Variants in CNTNAP2 observed in about 807,000 individuals in gnomAD.
CNTNAP2 encodes the protein contactin-associated protein-like 2.
Under a neutral mutation model 155.2 loss-of-function variants are expected in CNTNAP2, and 98 were observed. The ratio of observed to expected loss-of-function variants is 0.63; its 90% CI spans 0.54 to 0.75. The LOEUF is 0.75. Ranked by LOEUF, CNTNAP2 falls within the 30% of genes least tolerant of loss-of-function variation. The pLI is 0.00. For synonymous variants in CNTNAP2, 651 were observed against 631.2 expected (o/e 1.03, Z -0.47); for missense variants, 1,727 against 1,688.1 (o/e 1.02, Z -0.40).
chr7:147,668,962 T>G (rs1303337229), intron 13 of CNTNAP2, among the ~76,000 whole-genome samples: 1 of 152,248 alleles, frequency 6.6e-6, no homozygotes, highest in East Asian at 1.9e-4. Flanking sequence ...GGTGTGCTTT[T>G]TTTTTATCTT....
At chr7:147,157,334 A>G (rs1172005601) in intron 8 of CNTNAP2, among the ~76,000 whole-genome samples, 2 of 152,092 alleles carry the variant, frequency 1.3e-5, no homozygotes, top group African/African-American at 4.8e-5. Flanking sequence ...TCCAATTTTG[A>G]TGTGAATATT....
Position 147,530,649 on chromosome 7 carries a change from A to G in CNTNAP2, c.1778-31489A>G, listed in dbSNP as rs537225859. On this transcript the variant is annotated intron_variant, in intron 11 of 23. Coordinates refer to ENST00000361727, the MANE Select transcript of CNTNAP2 (RefSeq NM_014141.6). ...TCCCCCTCAGTCCCTCCTACAACAC[A>G]TGGGAATTCTGGGAGATACAATTCA... Among the ~76,000 whole-genome samples, 6 of 152,236 alleles carry G rather than the reference A, an allele frequency of 3.9e-5. No homozygotes were observed. In the South Asian group the frequency reaches 1.2e-3, roughly 32 times the overall value.
intron 8 of CNTNAP2, among the ~76,000 whole-genome samples, chr7:147,202,108 C>T (rs1275943320): frequency 6.6e-6 from 1 of 150,808 alleles, no homozygotes; most frequent in African/African-American, 2.4e-5. Flanking sequence ...AGAAAATTCT[C>T]AAGATAGAAT....
chr7:147,163,184 C>G (rs1291929968), intron 8 of CNTNAP2, among the ~76,000 whole-genome samples: 1 of 151,904 alleles, frequency 6.6e-6, no homozygotes, highest in East Asian at 1.9e-4. Flanking sequence ...GTGGCAAGAA[C>G]CAGAAGACAG....
intron 1 of CNTNAP2, among the ~76,000 whole-genome samples, chr7:146,565,308 G>A (rs1798340483): frequency 6.6e-6 from 1 of 151,860 alleles, no homozygotes; most frequent in Non-Finnish European, 1.5e-5. Context: ...ATAATTTAGA[G>A]AAATTCAATT....
intron 13 of CNTNAP2, among the ~76,000 whole-genome samples, chr7:147,752,637 T>C (rs976630783): frequency 6.6e-6 from 1 of 152,172 alleles, no homozygotes; most frequent in Admixed American, 6.5e-5. Context: ...AGGTAGATAT[T>C]TGAAGTTGTG....
At chr7:147,348,584 G>A (rs934877885) in intron 9 of CNTNAP2, among the ~76,000 whole-genome samples, 4 of 151,948 alleles carry the variant, frequency 2.6e-5, no homozygotes, top group African/African-American at 4.8e-5. Flanking sequence ...AAAAAAGTAT[G>A]GAGGTCCTCA....
intron 15 of CNTNAP2, among the ~76,000 whole-genome samples, chr7:147,994,303 C>G (rs989358858): frequency 3.3e-5 from 5 of 149,994 alleles, no homozygotes; most frequent in Admixed American, 1.3e-4. Context: ...CCCAGGAATT[C>G]AAGACTGCAG....
intron 1 of CNTNAP2, among the ~76,000 whole-genome samples, chr7:146,734,351 T>G (rs1271107531): frequency 6.6e-6 from 1 of 152,124 alleles, no homozygotes; most frequent in Non-Finnish European, 1.5e-5. Context: ...GTTCACCTAA[T>G]GGGAGTGACT....
chr7:147,474,201 A>G (rs1361660480), intron 10 of CNTNAP2, among the ~76,000 whole-genome samples: 2 of 147,168 alleles, frequency 1.4e-5, no homozygotes, highest in South Asian at 2.2e-4. Flanking sequence ...GCAGCTATAG[A>G]GCTCACACCA....
chr7:146,319,477 A>G (rs749295554), intron 1 of CNTNAP2, among the ~76,000 whole-genome samples: 16 of 152,196 alleles, frequency 1.1e-4, no homozygotes, highest in Admixed American at 2.0e-4. Context: ...ACCGGGGTAC[A>G]AATTGGACAA....
chr7:147,401,609 C>G (rs1252968192), intron 10 of CNTNAP2, among the ~76,000 whole-genome samples: 1 of 152,116 alleles, frequency 6.6e-6, no homozygotes, highest in African/African-American at 2.4e-5. Flanking sequence ...TATCCCCACC[C>G]AAATCTCAAG....
chr7:146,226,170 A>G (rs1405295247), intron 1 of CNTNAP2, among the ~76,000 whole-genome samples: 1 of 152,134 alleles, frequency 6.6e-6, no homozygotes, highest in African/African-American at 2.4e-5. Flanking sequence ...CCTCGGCCCT[A>G]CTGAGATTAC....
In CNTNAP2 at chr7:147,765,367, T is replaced by G. The variant is rs1226952154; in HGVS notation, c.2098+126061T>G. 2.0e-5 allele frequency among the ~76,000 whole-genome samples: 3 copies of G among 152,166 alleles called. No homozygotes were observed. In the East Asian group the frequency reaches 5.8e-4, roughly 29 times the overall value. On this transcript the variant is annotated intron_variant, in intron 13 of 23. Coordinates refer to ENST00000361727, the MANE Select transcript of CNTNAP2 (RefSeq NM_014141.6). ...CACATGGTGAATAAATACATGGAAA[T>G]AAAGTTTCATATCAATTAATCATTG...
At chr7:147,967,871 T>C (rs1261099122) in intron 14 of CNTNAP2, among the ~76,000 whole-genome samples, 1 of 152,142 alleles carries the variant, frequency 6.6e-6, no homozygotes, top group Non-Finnish European at 1.5e-5. Flanking sequence ...TAAATATTAA[T>C]TTCTAAAGAA....
intron 15 of CNTNAP2, among the ~76,000 whole-genome samples, chr7:148,014,629 T>C (rs1382641210): frequency 2.0e-5 from 3 of 152,228 alleles, no homozygotes; most frequent in East Asian, 3.8e-4. Flanking sequence ...CAAATCCACC[T>C]GGAGTATGAG....
chr7:146,688,564 G>T (rs773806574), intron 1 of CNTNAP2, among the ~76,000 whole-genome samples: 10 of 152,090 alleles, frequency 6.6e-5, no homozygotes, highest in Non-Finnish European at 1.2e-4. Flanking sequence ...GAGATTCATT[G>T]TCCAGGAGAA....
At chr7:148,095,025 G>T (rs1205840086) in intron 15 of CNTNAP2, among the ~76,000 whole-genome samples, 4 of 152,170 alleles carry the variant, frequency 2.6e-5, no homozygotes, top group Admixed American at 2.0e-4. Context: ...GAGTAAAGTA[G>T]AAAGATGATG....
rs187293145 is a variant in CNTNAP2 at position 147,216,340 on chromosome 7, C to T, written c.1349-83801C>T. 2.6e-3 allele frequency among the ~76,000 whole-genome samples: 400 copies of T among 152,068 alleles called. 1 individual carries two copies. Among genetic ancestry groups the T allele is most frequent in the African/African-American group, 9.0e-3 (375 of 41,512 alleles). On this transcript the variant is annotated intron_variant, in intron 8 of 23. Transcript: ENST00000361727. ...ATATTACCTTTAGGTCTGTGATCCA[C>T]TTTGAGTTAATTTTTGTGAAGGATA...
Sources: gnomAD v4.1 joint callset for allele counts (sites outside exome capture counted in the v4.1 genomes callset) on GRCh38, gnomAD v4.1.1 for gene constraint, MANE v1.5 for transcripts, NCBI Gene and HGNC (gene_info 2026-07-23, HGNC 2026-07-21) for gene names.